RANBP2: variants seen among roughly 807,000 people sequenced by gnomAD.
RANBP2 encodes RAN binding protein 2.
A neutral mutation model predicts 303.6 loss-of-function variants in RANBP2; 57 were observed. The ratio of observed to expected loss-of-function variants is 0.19; its 90% CI spans 0.15 to 0.23. The LOEUF is 0.23. Among genes scored for constraint, RANBP2 ranks in the 10% least tolerant of loss-of-function variants. The pLI is 1.00. For synonymous variants in RANBP2, 1,167 were observed against 1,301.5 expected (o/e 0.90, Z 2.23); for missense variants, 3,138 against 3,780.8 (o/e 0.83, Z 4.46).
chr2:109,012,919 A>ATCTGTC, the RANBP2 span, among the ~76,000 whole-genome samples: 9 of 152,290 alleles, frequency 5.9e-5, no homozygotes, highest in East Asian at 1.7e-3. Flanking sequence ...ATCTCAGAAA[A>ATCTGTC]CAACAACAAC....
chr2:109,043,826 G>A, the RANBP2 span, among the ~76,000 whole-genome samples: 1,119 of 152,260 alleles, frequency 7.3e-3, 2 homozygotes, highest in African/African-American at 0.025. Context: ...TATAAGCTAA[G>A]GCATGCTTTA....
At chr2:109,021,200 C>T in the RANBP2 span, among the ~76,000 whole-genome samples, 1 of 152,174 alleles carries the variant, frequency 6.6e-6, no homozygotes, top group African/African-American at 2.4e-5. Context: ...TGATAAGCAA[C>T]ACCGATCAGC....
At chr2:108,808,804 CATT>C in the RANBP2 span, among the ~76,000 whole-genome samples, 2 of 152,004 alleles carry the variant, frequency 1.3e-5, no homozygotes, top group African/African-American at 4.8e-5. Flanking sequence ...CAGGTTGTAT[CATT>C]ATTCTTTTTA....
At chr2:108,727,669 TCTTGGCCCA>T (rs1694840113) in intron 1 of RANBP2, among the ~76,000 whole-genome samples, 2 of 149,890 alleles carry the variant, frequency 1.3e-5, no homozygotes, top group African/African-American at 4.9e-5. Context: ...AGTGGTGCGA[TCTTGGCCCA>T]CTGCAGCCTC....
At chr2:109,187,996 G>C in the RANBP2 span, among the ~76,000 whole-genome samples, 22 of 152,156 alleles carry the variant, frequency 1.4e-4, no homozygotes, top group Admixed American at 5.9e-4. Flanking sequence ...GGCACAGCGG[G>C]GGTTGCCTCT....
chr2:109,114,406 T>C, the RANBP2 span, among the ~76,000 whole-genome samples: 2 of 152,244 alleles, frequency 1.3e-5, no homozygotes, highest in Non-Finnish European at 2.9e-5. Context: ...CTAGATTTTC[T>C]AGTTTATTTG....
At chr2:109,400,647 C>T in the RANBP2 span, among the ~76,000 whole-genome samples, 3 of 152,060 alleles carry the variant, frequency 2.0e-5, no homozygotes, top group African/African-American at 7.2e-5. Flanking sequence ...CCCGTGCACA[C>T]ATGTAGACAT....
At chr2:109,266,843 C>A in the RANBP2 span, among the ~76,000 whole-genome samples, 1 of 152,128 alleles carries the variant, frequency 6.6e-6, no homozygotes. Context: ...AATCACCCTC[C>A]AAATATTCAG....
At chr2:109,052,750 T>G in the RANBP2 span, among the ~76,000 whole-genome samples, 1 of 152,194 alleles carries the variant, frequency 6.6e-6, no homozygotes, top group Non-Finnish European at 1.5e-5. Flanking sequence ...TCCTCCCGCC[T>G]TGGCCTCCCA....
chr2:109,350,327 A>T, the RANBP2 span, among the ~76,000 whole-genome samples: 1 of 152,122 alleles, frequency 6.6e-6, no homozygotes, highest in African/African-American at 2.4e-5. Flanking sequence ...CTGTTACAGG[A>T]TCTGTGACGG....
chr2:108,838,363 C>T, the RANBP2 span, among the ~76,000 whole-genome samples: 1 of 152,202 alleles, frequency 6.6e-6, no homozygotes, highest in Non-Finnish European at 1.5e-5. Context: ...ACAATACACT[C>T]ATAATCATTA....
At chr2:109,307,435 TA>T in the RANBP2 span, among the ~76,000 whole-genome samples, 4 of 150,452 alleles carry the variant, frequency 2.7e-5, no homozygotes, top group East Asian at 2.0e-4. Flanking sequence ...TTTTTTTTAT[TA>T]TTATACTTTA....
rs560748937 is a variant in RANBP2 at position 108,778,653 on chromosome 2, A to C, written c.8599+1422A>C. ...AACCACTATTTTGAAATAATTTTGA[A>C]TTCTTCTGCCACATGTCCCTTGGGG... is the stretch of plus-strand genomic sequence containing the variant. On this transcript the variant is annotated intron_variant, in intron 25 of 28. Coordinates refer to ENST00000283195, the MANE Select transcript of RANBP2 (RefSeq NM_006267.5). Among the ~76,000 whole-genome samples, 5 of 152,302 alleles carry C rather than the reference A, an allele frequency of 3.3e-5. No homozygotes were observed. In the South Asian group the frequency reaches 6.2e-4, roughly 19 times the overall value.
At chr2:108,981,635 C>G in the RANBP2 span, among the ~76,000 whole-genome samples, 3 of 152,132 alleles carry the variant, frequency 2.0e-5, no homozygotes, top group Non-Finnish European at 4.4e-5. Context: ...GACCTCTGCT[C>G]GATATATACT....
At chr2:109,603,860 C>T in the RANBP2 span, among the ~76,000 whole-genome samples, 32 of 151,978 alleles carry the variant, frequency 2.1e-4, no homozygotes, top group African/African-American at 7.5e-4. Flanking sequence ...ATGGTGAAAC[C>T]GTCTCTAATT....
the RANBP2 span, among the ~76,000 whole-genome samples, chr2:109,192,760 C>T: frequency 4.6e-5 from 7 of 152,154 alleles, no homozygotes; most frequent in Non-Finnish European, 7.4e-5. Context: ...GTGCAGCCAC[C>T]CATGGAAGTC....
At chr2:109,482,533 G>A in the RANBP2 span, among the ~76,000 whole-genome samples, 1 of 152,166 alleles carries the variant, frequency 6.6e-6, no homozygotes, top group Non-Finnish European at 1.5e-5. Context: ...TGACACCGTG[G>A]TGAACTTGGC....
downstream of RANBP2, chr2:108,788,054 AGTCT>A: frequency 6.3e-7 from 1 of 1,579,882 alleles, no homozygotes; most frequent in Non-Finnish European, 8.6e-7. Flanking sequence ...AATTTTTATC[AGTCT>A]AAGTATAAGA....
At chr2:109,468,201 C>T in the RANBP2 span, among the ~76,000 whole-genome samples, 6,880 of 152,286 alleles carry the variant, frequency 0.045, 471 homozygotes, top group African/African-American at 0.14. Context: ...TGTGACACAC[C>T]TAGGCTGTGT....
Sources: gnomAD v4.1 joint callset for allele counts (sites outside exome capture counted in the v4.1 genomes callset) on GRCh38, gnomAD v4.1.1 for gene constraint, MANE v1.5 for transcripts, NCBI Gene and HGNC (gene_info 2026-07-23, HGNC 2026-07-21) for gene names.